Variants in HSD17B2 observed in about 807,000 individuals in gnomAD.
HSD17B2 encodes hydroxysteroid 17-beta dehydrogenase 2.
In HSD17B2, 32 loss-of-function variants were observed where a neutral mutation model predicts 26.9. The ratio of observed to expected loss-of-function variants is 1.19; its 90% CI spans 0.90 to 1.60. The LOEUF is 1.60. Ranked by LOEUF, HSD17B2 falls within the 40% of genes most tolerant of loss-of-function variation. The pLI is 0.00. For synonymous variants in HSD17B2, 246 were observed against 186.7 expected (o/e 1.32, Z -2.59); for missense variants, 613 against 468.6 (o/e 1.31, Z -2.85).
At chr16:82,087,289 G>A (rs1252728964) in intron 3 of HSD17B2, among the ~76,000 whole-genome samples, 1 of 152,152 alleles carries the variant, frequency 6.6e-6, no homozygotes, top group Non-Finnish European at 1.5e-5. Flanking sequence ...TTCACATTAA[G>A]TGTTTTTACC....
intron 3 of HSD17B2, among the ~76,000 whole-genome samples, chr16:82,090,413 G>T (rs1904656206): frequency 6.9e-6 from 1 of 144,782 alleles, no homozygotes; most frequent in Admixed American, 7.3e-5. Context: ...TGCCCCCTGG[G>T]GTCCAAGCGA....
intron 3 of HSD17B2, among the ~76,000 whole-genome samples, chr16:82,080,757 T>C (rs146246881): frequency 5.6e-4 from 86 of 152,276 alleles, no homozygotes; most frequent in Non-Finnish European, 1.1e-3. Context: ...CCTCCCAATC[T>C]CATGTAATTC....
intron 3 of HSD17B2, among the ~76,000 whole-genome samples, chr16:82,075,456 G>A (rs1432328228): frequency 2.6e-5 from 4 of 151,992 alleles, no homozygotes; most frequent in African/African-American, 4.8e-5. Context: ...AACTTTTAAT[G>A]AGACTAAGAA....
chr16:82,062,946 TG>T (rs1164543240), intron 1 of HSD17B2: 1 of 152,286 alleles, frequency 6.6e-6, no homozygotes, highest in Admixed American at 6.5e-5. Flanking sequence ...TAGCACAGCC[TG>T]ATCTCTAACA....
intron 1 of HSD17B2, among the ~76,000 whole-genome samples, chr16:82,050,968 C>A (rs1031651077): frequency 2.0e-5 from 3 of 152,188 alleles, no homozygotes; most frequent in Non-Finnish European, 4.4e-5. Flanking sequence ...AAAAATGTCT[C>A]TAGACAATGC....
intron 4 of HSD17B2, chr16:82,097,352 C>CACACACAG: frequency 1.8e-5 from 2 of 110,200 alleles, no homozygotes; most frequent in East Asian, 4.3e-4. Flanking sequence ...TATATGTGTA[C>CACACACAG]ACACACACAC....
Position 82,035,529 on chromosome 16 carries a change from G to A in HSD17B2, c.105G>A (p.Trp35Ter), listed in dbSNP as rs865895564. Reference sequence around the variant, plus strand: ...ACAAGAAGAGCTCAGGGCAGCTGTGGAGCTGGATGGTCTGCCTGGCAGGCC... The same window carrying A: ...ACAAGAAGAGCTCAGGGCAGCTGTGAAGCTGGATGGTCTGCCTGGCAGGCC... ...CKYKKSSGQL[W>*]SWMVCLAGLC... The change falls in exon 1 of 5, where the codon TGG (tryptophan) becomes TGA (stop). Residue 35 changes from tryptophan to a stop codon, truncating the protein, a stop_gained. Transcript: ENST00000199936. LOFTEE classifies it high-confidence loss of function. 2 of 1,614,124 alleles carry A rather than the reference G, an allele frequency of 1.2e-6. No homozygotes were observed. The highest frequency in any genetic ancestry group is 1.7e-6 in the Non-Finnish European group (2 of 1,180,038).
At position 82,068,302 on chromosome 16, in the gene HSD17B2, C is replaced by T. The variant is rs1308752990; in HGVS notation, c.398C>T (p.Ser133Leu). The T allele has an allele frequency of 5.0e-6, 8 of 1,614,094 alleles. No homozygotes were observed. The highest frequency in any genetic ancestry group is 4.5e-5 in the East Asian group (2 of 44,874). ...CGAAGAACCTGCTCTCCGCGCCTCT[C>T]GGTGCTCCAAATGGACATCACGAAG... ...ELRRTCSPRL[S>L]VLQMDITKPV... Residue 133 changes from serine (S) to leucine (L), a missense_variant, in exon 2 of 5, where the codon TCG (serine) becomes TTG (leucine). By Grantham distance (145) the Ser-to-Leu change is moderately radical. Transcript: ENST00000199936.
At chr16:82,058,134 T>C (rs1482116211) in intron 1 of HSD17B2, among the ~76,000 whole-genome samples, 3 of 151,750 alleles carry the variant, frequency 2.0e-5, no homozygotes, top group Admixed American at 1.3e-4. Flanking sequence ...TGCAGCAGTA[T>C]GAGCATGCTC....
At chr16:82,069,901 C>T (rs575180962) in intron 2 of HSD17B2, among the ~76,000 whole-genome samples, 1 of 152,208 alleles carries the variant, frequency 6.6e-6, no homozygotes, top group East Asian at 1.9e-4. Flanking sequence ...TGAACAGATC[C>T]CCCAGACCCA....
chr16:82,085,503 T>C (rs1904501323), intron 3 of HSD17B2, among the ~76,000 whole-genome samples: 1 of 152,154 alleles, frequency 6.6e-6, no homozygotes, highest in South Asian at 2.1e-4. Context: ...CCGGGATCTG[T>C]TTTACTCCAA....
intron 1 of HSD17B2, among the ~76,000 whole-genome samples, chr16:82,060,591 G>A (rs1021167242): frequency 5.3e-5 from 8 of 152,180 alleles, no homozygotes; most frequent in African/African-American, 1.7e-4. Context: ...CATTGTGTGG[G>A]ACAAATGAAA....
chr16:82,048,374 A>G (rs886312307), intron 1 of HSD17B2, among the ~76,000 whole-genome samples: 3 of 152,168 alleles, frequency 2.0e-5, no homozygotes, highest in African/African-American at 7.2e-5. Flanking sequence ...CCTTGGGGAT[A>G]CCGATTAGAG....
At position 82,090,950 on chromosome 16, in the gene HSD17B2, C is replaced by G. The variant is rs772693057; in HGVS notation, c.713C>G (p.Ala238Gly). 6.2e-7 allele frequency: 1 copy of G among 1,614,020 alleles called. No homozygotes were observed. ...GCATCTTATGGCTCATCAAAGGCGG[C>G]TGTGACCATGTTCTCATCAGTTATG... The part of the protein sequence containing the change: ...RLASYGSSKA[A>G]VTMFSSVMRL... Residue 238 changes from alanine to glycine, a missense_variant, in exon 4 of 5, where the codon GCT becomes GGT. By Grantham distance (60) the Ala-to-Gly change is moderately conservative. Transcript: ENST00000199936.
intron 4 of HSD17B2, chr16:82,094,070 G>C (rs559960813): frequency 1.3e-5 from 2 of 152,172 alleles, no homozygotes; most frequent in South Asian, 4.1e-4. Flanking sequence ...GTGGGTTTTG[G>C]CTGGCTGCTT....
chr16:82,069,669 C>T (rs894336882), intron 2 of HSD17B2, among the ~76,000 whole-genome samples: 20 of 152,194 alleles, frequency 1.3e-4, no homozygotes, highest in African/African-American at 2.9e-4. Flanking sequence ...CAGTTTTCTC[C>T]GTATACCAAG....
chr16:82,061,915 T>A (rs377269749), intron 1 of HSD17B2, among the ~76,000 whole-genome samples: 4 of 152,226 alleles, frequency 2.6e-5, no homozygotes, highest in African/African-American at 9.6e-5. Flanking sequence ...CCAGGGCACA[T>A]GCATCCCAGC....
At chr16:82,066,933 A>T (rs111679007) in intron 1 of HSD17B2, among the ~76,000 whole-genome samples, 1 of 152,216 alleles carries the variant, frequency 6.6e-6, no homozygotes, top group African/African-American at 2.4e-5. Context: ...ACAGTGTTGT[A>T]AAGAACATCA....
In HSD17B2 at chr16:82,090,977, G is replaced by A. The variant is rs757644641; in HGVS notation, c.740G>A (p.Arg247Lys). 6.2e-7 allele frequency: 1 copy of A among 1,613,948 alleles called. No individual in the cohort carries two copies. Among genetic ancestry groups the A allele is most frequent in the Non-Finnish European group, 8.5e-7 (1 of 1,179,952 alleles). Residue 247 changes from arginine to lysine, a missense_variant, in exon 4 of 5, where the codon AGA becomes AAA. Physicochemically the swap from Arg to Lys is conservative, Grantham distance 26. Transcript: ENST00000199936. ...GTGACCATGTTCTCATCAGTTATGAGACTGGAGCTTTCCAAGTGGGGAATT... is the reference window on the plus strand; with the variant it reads ...GTGACCATGTTCTCATCAGTTATGAAACTGGAGCTTTCCAAGTGGGGAATT... ...AAVTMFSSVM[R>K]LELSKWGIKV...
Sources: allele counts gnomAD v4.1 joint callset (sites outside exome capture counted in the v4.1 genomes callset), GRCh38; gene constraint gnomAD v4.1.1; transcripts MANE v1.5; gene names NCBI Gene and HGNC (gene_info 2026-07-23, HGNC 2026-07-21).